The following FSTL4 variants were observed in gnomAD, a reference collection of about 807,000 sequenced individuals.
FSTL4 encodes follistatin like 4.
A neutral mutation model predicts 78.2 loss-of-function variants in FSTL4; 28 were observed. That is an observed-to-expected ratio of 0.36 (90% confidence interval 0.27 to 0.49). FSTL4 has a LOEUF of 0.49. Ranked by LOEUF, FSTL4 falls within the 20% of genes least tolerant of loss-of-function variation. FSTL4 has a pLI of 0.98. For synonymous variants in FSTL4, 422 were observed against 440.5 expected, an observed-to-expected ratio of 0.96 and a Z score of 0.53; for missense variants, 922 against 1,084.9, an observed-to-expected ratio of 0.85 and a Z score of 2.11.
intron 2 of FSTL4, among the ~76,000 whole-genome samples, chr5:133,581,603 C>A (rs768768713): frequency 5.3e-5 from 8 of 152,244 alleles, no homozygotes; most frequent in Non-Finnish European, 1.2e-4. Flanking sequence ...TCAGTTATTT[C>A]CCTTGAGGAG....
chr5:133,341,009 G>A (rs1283201341), intron 4 of FSTL4, among the ~76,000 whole-genome samples: 3 of 151,920 alleles, frequency 2.0e-5, no homozygotes, highest in Admixed American at 6.6e-5. Flanking sequence ...CAAGGCCCAG[G>A]TGCGGGGTGC....
chr5:133,565,141 G>T (rs1759999584), intron 3 of FSTL4, among the ~76,000 whole-genome samples: 2 of 152,198 alleles, frequency 1.3e-5, no homozygotes, highest in South Asian at 4.1e-4. Flanking sequence ...AGAAAAATCA[G>T]CTATTACTCA....
At chr5:133,291,602 G>A (rs1753263941) in intron 6 of FSTL4, among the ~76,000 whole-genome samples, 2 of 152,164 alleles carry the variant, frequency 1.3e-5, no homozygotes, top group South Asian at 4.1e-4. Context: ...GAGAACAGGT[G>A]GCCAAAAAGG....
intron 7 of FSTL4, chr5:133,246,852 C>T (rs1357028516): frequency 1.3e-5 from 2 of 152,082 alleles, no homozygotes; most frequent in African/African-American, 4.8e-5. Flanking sequence ...TATAGAACAC[C>T]ATACGTGAAG....
intron 13 of FSTL4, among the ~76,000 whole-genome samples, chr5:133,215,044 C>A (rs1383144274): frequency 6.6e-6 from 1 of 152,196 alleles, no homozygotes; most frequent in African/African-American, 2.4e-5. Context: ...CACCATTATC[C>A]TATCTGTTCC....
At chr5:133,336,690 C>T (rs1053296234) in intron 4 of FSTL4, among the ~76,000 whole-genome samples, 1 of 152,190 alleles carries the variant, frequency 6.6e-6, no homozygotes, top group East Asian at 1.9e-4. Context: ...TCTAAACAAC[C>T]CTACAGCCAG....
chr5:133,252,023 C>T (rs1199994899), intron 6 of FSTL4: 2 of 152,414 alleles, frequency 1.3e-5, no homozygotes, highest in Admixed American at 1.3e-4. Flanking sequence ...CAGTGCACCA[C>T]CACGCTGCTT....
chr5:133,614,370 AAGG>A (rs1418173392), upstream of FSTL4, among the ~76,000 whole-genome samples: 3 of 152,242 alleles, frequency 2.0e-5, no homozygotes, highest in Non-Finnish European at 2.9e-5. Context: ...CTTCCCAAAG[AAGG>A]AGAAGAAGGT....
chr5:133,205,929 A>G (rs1750484102), intron 14 of FSTL4, among the ~76,000 whole-genome samples: 1 of 152,232 alleles, frequency 6.6e-6, no homozygotes, highest in Non-Finnish European at 1.5e-5. Flanking sequence ...CACCCCGAGC[A>G]CAAACTAGCG....
intron 3 of FSTL4, among the ~76,000 whole-genome samples, chr5:133,535,278 C>A (rs1448006349): frequency 6.6e-6 from 1 of 152,104 alleles, no homozygotes; most frequent in African/African-American, 2.4e-5. Flanking sequence ...ATAAACTGGC[C>A]CCAAAACTGG....
chr5:133,245,425 C>T (rs930569209), intron 7 of FSTL4, among the ~76,000 whole-genome samples: 8 of 152,266 alleles, frequency 5.3e-5, no homozygotes, highest in Non-Finnish European at 7.3e-5. Context: ...TCTGCGCTTC[C>T]CCACTGCCCA....
intron 6 of FSTL4, among the ~76,000 whole-genome samples, chr5:133,272,801 A>G (rs1175714132): frequency 4.6e-5 from 7 of 152,242 alleles, no homozygotes; most frequent in Non-Finnish European, 1.0e-4. Flanking sequence ...GTGGCAACAG[A>G]TCTATAACTG....
intron 6 of FSTL4, among the ~76,000 whole-genome samples, chr5:133,292,461 A>T (rs1385340302): frequency 1.3e-5 from 2 of 151,888 alleles, no homozygotes; most frequent in African/African-American, 4.8e-5. Context: ...TGGCCGCTCC[A>T]GGAGGGGTTG....
At chr5:133,262,635 C>G (rs1752560085) in intron 6 of FSTL4, among the ~76,000 whole-genome samples, 2 of 152,220 alleles carry the variant, frequency 1.3e-5, no homozygotes, top group South Asian at 4.1e-4. Flanking sequence ...CTGCACTGCC[C>G]AGCCTGCGGG....
At chr5:133,705,871 A>G in the FSTL4 span, among the ~76,000 whole-genome samples, 64 of 148,928 alleles carry the variant, frequency 4.3e-4, no homozygotes, top group African/African-American at 1.2e-3. Flanking sequence ...ACACACACGC[A>G]CACACACACA....
the FSTL4 span, among the ~76,000 whole-genome samples, chr5:133,701,857 A>T: frequency 6.6e-6 from 1 of 152,178 alleles, no homozygotes; most frequent in Non-Finnish European, 1.5e-5. Flanking sequence ...GAGAACAGCC[A>T]AGAGAACAGG....
chr5:133,375,312 A>ATATATATATAT (rs1554109201), intron 4 of FSTL4, among the ~76,000 whole-genome samples: 18 of 134,676 alleles, frequency 1.3e-4, no homozygotes, highest in South Asian at 2.4e-4. Context: ...ATATATATAT[A>ATATATATATAT]AAAGACTCTA....
intron 4 of FSTL4, among the ~76,000 whole-genome samples, chr5:133,320,535 C>T (rs549569208): frequency 7.2e-5 from 11 of 152,286 alleles, no homozygotes; most frequent in African/African-American, 1.2e-4. Context: ...TAAATCATCC[C>T]GAAATCCACC....
chr5:133,833,586 A>G, the FSTL4 span, among the ~76,000 whole-genome samples: 1 of 152,200 alleles, frequency 6.6e-6, no homozygotes, highest in Non-Finnish European at 1.5e-5. Flanking sequence ...CATCAGTGAC[A>G]CTGACCGTTT....
Sources: allele counts gnomAD v4.1 joint callset (sites outside exome capture counted in the v4.1 genomes callset), GRCh38; gene constraint gnomAD v4.1.1; transcripts MANE v1.5; gene names NCBI Gene and HGNC (gene_info 2026-07-23, HGNC 2026-07-21).